PCLO: variants seen among roughly 807,000 people sequenced by gnomAD.
PCLO encodes the protein piccolo presynaptic cytomatrix protein.
A neutral mutation model predicts 427.5 loss-of-function variants in PCLO; 82 were observed. The observed-to-expected ratio is 0.19, with a 90% confidence interval of 0.16 to 0.23. The LOEUF is 0.23. Among genes scored for constraint, PCLO ranks in the 10% least tolerant of loss-of-function variants. PCLO has a pLI of 1.00. For missense variants in PCLO, 6,239 were observed against 6,115.9 expected (o/e 1.02, Z -0.67); for synonymous variants, 2,357 against 2,155.4 (o/e 1.09, Z -2.59).
intron 3 of PCLO, among the ~76,000 whole-genome samples, chr7:83,120,228 C>A (rs1791240992): frequency 6.6e-6 from 1 of 151,568 alleles, no homozygotes; most frequent in Admixed American, 6.6e-5. Context: ...ATAGCAAATC[C>A]TAATCTCTAC....
Position 82,827,935 on chromosome 7 carries a change from G to C in PCLO, c.14281C>G (p.Gln4761Glu). Reference protein sequence around the residue: ...AEYKRRTKHVQKSLNPEWNQT... With the variant: ...AEYKRRTKHVEKSLNPEWNQT... ...TTCCACTCAGGATTAAGACTTTTCT[G>C]GACATGTTTAGTCCTTCTCTTGTAC... is the stretch of plus-strand genomic sequence containing the variant. Residue 4761 changes from glutamine to glutamate, a missense_variant, in exon 17 of 25, where the codon CAG becomes GAG. This residue lies in a region of PCLO where 877 missense variants were observed against 925.5 expected (regional missense o/e 0.95). Transcript: ENST00000333891. 6.2e-7 allele frequency: 1 copy of C among 1,603,194 alleles called. No individual in the cohort carries two copies. Among genetic ancestry groups the C allele is most frequent in the Non-Finnish European group, 8.5e-7 (1 of 1,171,242 alleles).
At chr7:83,069,827 A>ACACACACACAC (rs1562948973) in intron 3 of PCLO, among the ~76,000 whole-genome samples, 7 of 121,112 alleles carry the variant, frequency 5.8e-5, no homozygotes, top group South Asian at 3.1e-4. Flanking sequence ...ACACACACAC[A>ACACACACACAC]AAGACTGATG....
rs1792469858 is a variant in PCLO at position 83,162,505 on chromosome 7, C to A, written c.88G>T (p.Gly30Trp). The change falls in exon 1 of 25, where the codon GGG becomes TGG. Residue 30 changes from glycine (G) to tryptophan (W), a missense_variant. By Grantham distance (184) the Gly-to-Trp change is radical (BLOSUM62 -2). Around this residue, in one of 5 missense-constraint regions of PCLO, gnomAD observed 4,677 missense variants for 4,468.4 expected, o/e 1.05. Transcript: ENST00000333891. The part of the protein sequence containing the change: ...AAAGGGASGA[G>W]SPSHTAIPAG... ...GGGATCGCGGTGTGAGAGGGGCTCC[C>A]CGCCCCGCTAGCTCCTCCTCCAGCC... 6.4e-7 allele frequency: 1 copy of A among 1,565,408 alleles called. No individual in the cohort carries two copies. Among genetic ancestry groups the A allele is most frequent in the East Asian group, 2.4e-5 (1 of 41,790 alleles).
chr7:83,032,370 C>T (rs1193663413), intron 3 of PCLO, among the ~76,000 whole-genome samples: 2 of 150,188 alleles, frequency 1.3e-5, no homozygotes, highest in African/African-American at 5.0e-5. Context: ...TTTCATTCTC[C>T]ATTCCCTCAC....
chr7:82,971,031 T>C (rs762366379), intron 3 of PCLO, among the ~76,000 whole-genome samples: 1 of 151,832 alleles, frequency 6.6e-6, no homozygotes, highest in Non-Finnish European at 1.5e-5. Flanking sequence ...AATCCAAAGA[T>C]TTTTGTATCA....
intron 3 of PCLO, among the ~76,000 whole-genome samples, chr7:82,991,690 C>A (rs932564681): frequency 6.6e-6 from 1 of 152,028 alleles, no homozygotes; most frequent in African/African-American, 2.4e-5. Context: ...TGGCCATATT[C>A]AAAGGAGATA....
intron 3 of PCLO, among the ~76,000 whole-genome samples, chr7:83,012,393 G>A (rs1411551967): frequency 2.0e-5 from 3 of 151,980 alleles, no homozygotes; most frequent in East Asian, 1.9e-4. Context: ...CGAGGTGGGC[G>A]GATCACCTGA....
intron 1 of PCLO, among the ~76,000 whole-genome samples, chr7:83,160,208 A>T (rs1440794539): frequency 6.6e-6 from 1 of 152,142 alleles, no homozygotes; most frequent in Non-Finnish European, 1.5e-5. Context: ...TAGTAGCCTT[A>T]TTTAAAGGCA....
chr7:83,071,504 A>G (rs1394658342), intron 3 of PCLO, among the ~76,000 whole-genome samples: 2 of 152,170 alleles, frequency 1.3e-5, no homozygotes, highest in Non-Finnish European at 1.5e-5. Flanking sequence ...GTAATAAAAC[A>G]TTGCCACATT....
chr7:82,850,933 T>G (rs1792637509), intron 10 of PCLO, among the ~76,000 whole-genome samples: 1 of 152,168 alleles, frequency 6.6e-6, no homozygotes, highest in African/African-American at 2.4e-5. Context: ...CCCAGATTCA[T>G]TAGTCATTAG....
At chr7:82,970,052 A>T (rs1055077727) in intron 3 of PCLO, among the ~76,000 whole-genome samples, 9 of 152,110 alleles carry the variant, frequency 5.9e-5, no homozygotes, top group Non-Finnish European at 1.2e-4. Context: ...GCCTTATTTC[A>T]TTCACATTGA....
intron 3 of PCLO, among the ~76,000 whole-genome samples, chr7:83,006,172 A>T (rs542267704): frequency 6.6e-6 from 1 of 151,822 alleles, no homozygotes. Context: ...AGCTTTAAAA[A>T]TAATTTACTC....
chr7:82,815,312 GTA>G (rs1446625330), intron 20 of PCLO, among the ~76,000 whole-genome samples: 4 of 151,938 alleles, frequency 2.6e-5, no homozygotes, highest in African/African-American at 9.7e-5. Context: ...TGTTCATAAA[GTA>G]TCTTTTGTAC....
At position 82,755,192 on chromosome 7, in the gene PCLO, T is replaced by C. The variant is rs951530216; in HGVS notation, c.*3383A>G. 2.0e-5 allele frequency: 3 copies of C among 152,150 alleles called. No homozygotes were observed. The highest frequency in any genetic ancestry group is 6.6e-5 in the Admixed American group (1 of 15,256). 9.4% of individuals were successfully genotyped at this position (152,150 alleles called of 1,614,324 possible). On this transcript the variant is annotated 3_prime_UTR_variant, in exon 25 of 25. Transcript: ENST00000333891. Reference sequence around the variant, plus strand: ...AGCTATAATATTCCCACAATATGACTATTTAAATGTGTGTGATCCACAAAA... The same window carrying C: ...AGCTATAATATTCCCACAATATGACCATTTAAATGTGTGTGATCCACAAAA...
At chr7:82,781,178 T>C (rs1011385481) in intron 22 of PCLO, among the ~76,000 whole-genome samples, 2 of 146,704 alleles carry the variant, frequency 1.4e-5, no homozygotes, top group African/African-American at 4.9e-5. Flanking sequence ...TTATAAAAAT[T>C]CTTCATTTCA....
intron 21 of PCLO, among the ~76,000 whole-genome samples, chr7:82,802,701 A>G (rs1791380269): frequency 6.6e-6 from 1 of 152,174 alleles, no homozygotes; most frequent in South Asian, 2.1e-4. Context: ...GGGATTTACT[A>G]ACAATTAATT....
rs1380454736 is a variant in PCLO, at chr7:82,953,389, T to C, written c.7564A>G (p.Thr2522Ala). ...TGTATATCTGTTGGTTTTTGTGTAG[T>C]TGTTGGAAGCTGAGGAATCACTGGT... ...PKPVIPQLPT[T>A]TQKPTDIHPK... Residue 2522 changes from threonine (T) to alanine (A), a missense_variant, in exon 5 of 25, where the codon ACT (threonine) becomes GCT (alanine). Physicochemically the swap from Thr to Ala is moderately conservative, Grantham distance 58 (BLOSUM62 0). Coordinates refer to ENST00000333891, the MANE Select transcript of PCLO (RefSeq NM_033026.6). The C allele has an allele frequency of 6.2e-7, 1 of 1,613,506 alleles. No homozygotes were observed. Among genetic ancestry groups the C allele is most frequent in the Non-Finnish European group, 8.5e-7 (1 of 1,179,778 alleles).
chr7:82,848,916 C>T (rs1375977926), intron 10 of PCLO: 1 of 418,940 alleles, frequency 2.4e-6, no homozygotes, highest in Admixed American at 2.6e-5. Context: ...TTTCAACAAT[C>T]CCAGGCTGTT....
chr7:82,903,741 T>C (rs892494461), intron 8 of PCLO, among the ~76,000 whole-genome samples: 1 of 151,974 alleles, frequency 6.6e-6, no homozygotes, highest in African/African-American at 2.4e-5. Flanking sequence ...TAAAGTTTAA[T>C]ATAGATAAAA....
Sources: gnomAD v4.1 joint callset for allele counts (sites outside exome capture counted in the v4.1 genomes callset) on GRCh38, gnomAD v4.1.1 for gene constraint, gnomAD v4.1.1 regional missense constraint, MANE v1.5 for transcripts, NCBI Gene and HGNC (gene_info 2026-07-23, HGNC 2026-07-21) for gene names.